NCALD: variants seen among roughly 807,000 people sequenced by gnomAD.
NCALD encodes the protein neurocalcin-delta.
A neutral mutation model predicts 18.6 loss-of-function variants in NCALD; 10 were observed. That is an observed-to-expected ratio of 0.54 (90% CI 0.33 to 0.91). The LOEUF (loss-of-function observed/expected upper bound fraction) is 0.91, where lower values mean the gene tolerates loss of function less well. Among genes scored for constraint, NCALD ranks in the 40% least tolerant of loss-of-function variants. The pLI, the probability that NCALD is intolerant of heterozygous loss-of-function variation, is 0.03. For missense variants in NCALD, 184 were observed against 247.6 expected (o/e 0.74, Z 1.72); for synonymous variants, 88 against 87.4 (o/e 1.01, Z -0.04).
chr8:102,084,565 G>A (rs1000666971), intron 1 of NCALD, among the ~76,000 whole-genome samples: 2 of 152,218 alleles, frequency 1.3e-5, no homozygotes, highest in African/African-American at 4.8e-5. Flanking sequence ...CCTTGATGGG[G>A]TGTTGTCTGC....
At chr8:101,911,934 C>T (rs1817815695) in intron 3 of NCALD, among the ~76,000 whole-genome samples, 1 of 152,010 alleles carries the variant, frequency 6.6e-6, no homozygotes, top group South Asian at 2.1e-4. Flanking sequence ...CAAGCAGAAA[C>T]TTTGCAAATA....
At chr8:101,777,937 G>A (rs1254960678) in intron 1 of NCALD, among the ~76,000 whole-genome samples, 1 of 152,174 alleles carries the variant, frequency 6.6e-6, no homozygotes, top group African/African-American at 2.4e-5. Context: ...ATGAAGAGAT[G>A]AGAGCTGTTC....
At chr8:101,829,655 G>A (rs1020575279) in intron 4 of NCALD, among the ~76,000 whole-genome samples, 13 of 85,836 alleles carry the variant, frequency 1.5e-4, no homozygotes, top group African/African-American at 4.1e-4. Context: ...TTTCCCATAC[G>A]TGGCACACAC....
At chr8:101,807,305 T>C (rs1205506846) in intron 4 of NCALD, among the ~76,000 whole-genome samples, 2 of 152,156 alleles carry the variant, frequency 1.3e-5, no homozygotes, top group African/African-American at 2.4e-5. Context: ...TAAAACTATA[T>C]ATATAATTGT....
chr8:101,794,405 C>T (rs1050736288), upstream of NCALD, among the ~76,000 whole-genome samples: 4 of 151,992 alleles, frequency 2.6e-5, no homozygotes, highest in East Asian at 1.9e-4. Context: ...CTCTCTCCAA[C>T]CCCCAACCTC....
At chr8:101,917,602 A>AAAAGAG (rs1554662892) in intron 2 of NCALD, among the ~76,000 whole-genome samples, 6 of 151,708 alleles carry the variant, frequency 4.0e-5, no homozygotes, top group African/African-American at 7.3e-5. Flanking sequence ...TAACAAAAAA[A>AAAAGAG]AAGATACAAA....
rs113369010 is a variant in NCALD, at chr8:101,815,707, A to G, written c.-20+71434T>C. 5.7e-3 allele frequency among the ~76,000 whole-genome samples: 870 copies of G among 152,304 alleles called. 11 individuals carry two copies. The highest frequency in any genetic ancestry group is 0.018 in the African/African-American group (764 of 41,576). ...CTCATTCACTGCTGGAATGCAAAACAGTACAGCCACTTTGGAAGACAGTTT... is the reference window on the plus strand; with the variant it reads ...CTCATTCACTGCTGGAATGCAAAACGGTACAGCCACTTTGGAAGACAGTTT... On this transcript the variant is annotated intron_variant, in intron 4 of 6. Transcript: ENST00000311028.
chr8:101,919,414 A>C (rs1315001007), intron 2 of NCALD, among the ~76,000 whole-genome samples: 2 of 152,216 alleles, frequency 1.3e-5, no homozygotes, highest in Non-Finnish European at 2.9e-5. Context: ...TAAGACCTCA[A>C]ACTATAAGAA....
intron 2 of NCALD, among the ~76,000 whole-genome samples, chr8:102,002,903 T>G (rs1024526365): frequency 4.6e-5 from 7 of 151,722 alleles, no homozygotes; most frequent in African/African-American, 1.7e-4. Context: ...TTTAGAGCAC[T>G]AAGGGCCCAC....
At chr8:101,727,821 G>C (rs1360833001) in intron 1 of NCALD, among the ~76,000 whole-genome samples, 1 of 152,186 alleles carries the variant, frequency 6.6e-6, no homozygotes, top group African/African-American at 2.4e-5. Flanking sequence ...CTCTGCTCCA[G>C]GCACCTTGGC....
intron 4 of NCALD, among the ~76,000 whole-genome samples, chr8:101,878,792 C>T (rs568006459): frequency 3.3e-5 from 5 of 152,168 alleles, no homozygotes; most frequent in African/African-American, 1.2e-4. Context: ...AAACAGTGAT[C>T]AAGATCTAAT....
chr8:101,704,078 A>G lies in NCALD; in HGVS notation c.379-11182T>C, dbSNP rs1815398030. Among the ~76,000 whole-genome samples the G allele has an allele frequency of 3.3e-5, 5 of 152,198 alleles. No individual in the cohort carries two copies. The South Asian group carries it at 1.0e-3, about 32-fold the overall frequency. On this transcript the variant is annotated intron_variant, in intron 2 of 3. Transcript: ENST00000220931. ...CTCAGTAGTGGGAATAATCAGTCCT[A>G]GCTGAGTGCTGCTCTCGTGTCAGCT...
chr8:102,004,611 A>C (rs995086179), intron 2 of NCALD, among the ~76,000 whole-genome samples: 1 of 152,094 alleles, frequency 6.6e-6, no homozygotes, highest in African/African-American at 2.4e-5. Context: ...GAGGTGTCAC[A>C]CTACCTGACT....
At chr8:101,972,208 G>A (rs1820265985) in intron 2 of NCALD, among the ~76,000 whole-genome samples, 1 of 152,148 alleles carries the variant, frequency 6.6e-6, no homozygotes, top group African/African-American at 2.4e-5. Flanking sequence ...TACTTCCAAT[G>A]ACATTGGCAC....
chr8:101,871,426 C>T (rs1187896182), intron 4 of NCALD, among the ~76,000 whole-genome samples: 1 of 152,178 alleles, frequency 6.6e-6, no homozygotes, highest in Non-Finnish European at 1.5e-5. Context: ...TAGATTGGAA[C>T]TCATCGGCTT....
intron 1 of NCALD, among the ~76,000 whole-genome samples, chr8:101,784,190 C>T (rs1354704512): frequency 6.6e-6 from 1 of 152,146 alleles, no homozygotes; most frequent in African/African-American, 2.4e-5. Flanking sequence ...TGACAGCTTG[C>T]TCACTCACAT....
chr8:102,003,907 C>A (rs1282731183), intron 2 of NCALD, among the ~76,000 whole-genome samples: 1 of 152,094 alleles, frequency 6.6e-6, no homozygotes, highest in Non-Finnish European at 1.5e-5. Flanking sequence ...TTATGACAAA[C>A]GCACAGCCAA....
chr8:101,879,301 T>A (rs537233194), intron 4 of NCALD, among the ~76,000 whole-genome samples: 14 of 152,228 alleles, frequency 9.2e-5, no homozygotes, highest in African/African-American at 3.4e-4. Flanking sequence ...TCAGACGTGT[T>A]CAGAGTTTGG....
chr8:102,106,083 T>C (rs1825436251), intron 1 of NCALD, among the ~76,000 whole-genome samples: 1 of 151,908 alleles, frequency 6.6e-6, no homozygotes, highest in South Asian at 2.1e-4. Context: ...ATTTTTTTTT[T>C]TTTTGAGATG....
Sources: gnomAD v4.1 joint callset for allele counts (sites outside exome capture counted in the v4.1 genomes callset) on GRCh38, gnomAD v4.1.1 for gene constraint, MANE v1.5 for transcripts, NCBI Gene and HGNC (gene_info 2026-07-23, HGNC 2026-07-21) for gene names.